PIWIL3: variants seen among roughly 807,000 people sequenced by gnomAD.
The protein encoded by PIWIL3 is piwi like RNA-mediated gene silencing 3.
PIWIL3 carries 101 observed loss-of-function variants against 109.7 expected under a neutral mutation model. That is an observed-to-expected ratio of 0.92 (90% CI 0.78 to 1.09). The LOEUF is 1.09. Ranked by LOEUF, PIWIL3 falls within the 50% of genes least tolerant of loss-of-function variation. The pLI is 0.00. For missense variants in PIWIL3, 1,031 were observed against 1,072.6 expected (o/e 0.96, Z 0.54); for synonymous variants, 373 against 376.4 (o/e 0.99, Z 0.10).
At chr22:24,739,831 A>G (rs1335512611) in intron 12 of PIWIL3, among the ~76,000 whole-genome samples, 1 of 152,046 alleles carries the variant, frequency 6.6e-6, no homozygotes, top group Non-Finnish European at 1.5e-5. Flanking sequence ...CGGGAGGATC[A>G]TGAGGTCAGG....
chr22:24,760,685 C>T (rs1925373430), intron 2 of PIWIL3, among the ~76,000 whole-genome samples: 1 of 148,310 alleles, frequency 6.7e-6, no homozygotes, highest in Non-Finnish European at 1.5e-5. Flanking sequence ...GAGGCTAAGG[C>T]AGGAGAATCG....
intron 12 of PIWIL3, among the ~76,000 whole-genome samples, chr22:24,741,453 A>C (rs754515459): frequency 1.3e-5 from 2 of 152,134 alleles, no homozygotes; most frequent in Non-Finnish European, 2.9e-5. Context: ...GTAGTGAACC[A>C]AGGTTGTGCC....
chr22:24,730,940 G>T (rs1191654077), intron 14 of PIWIL3, among the ~76,000 whole-genome samples: 1 of 151,904 alleles, frequency 6.6e-6, no homozygotes, highest in East Asian at 1.9e-4. Context: ...TACGTTTGTG[G>T]CAGGCCAGTT....
At chr22:24,744,993 G>C (rs1411088319) in intron 12 of PIWIL3, among the ~76,000 whole-genome samples, 1 of 152,172 alleles carries the variant, frequency 6.6e-6, no homozygotes, top group Non-Finnish European at 1.5e-5. Flanking sequence ...TACAAAAGAA[G>C]TCTTAAAACA....
At chr22:24,732,746 C>G (rs1002592876) in intron 14 of PIWIL3, among the ~76,000 whole-genome samples, 2 of 152,052 alleles carry the variant, frequency 1.3e-5, no homozygotes, top group African/African-American at 2.4e-5. Context: ...TGGCATGAAC[C>G]TGGGAGGCGG....
At chr22:24,746,417 T>A (rs1924371993) in intron 12 of PIWIL3, among the ~76,000 whole-genome samples, 1 of 151,944 alleles carries the variant, frequency 6.6e-6, no homozygotes, top group Non-Finnish European at 1.5e-5. Flanking sequence ...AATGAACATA[T>A]TTCAACATAA....
chr22:24,731,274 C>T (rs1413706769), intron 14 of PIWIL3, among the ~76,000 whole-genome samples: 1 of 152,194 alleles, frequency 6.6e-6, no homozygotes, highest in African/African-American at 2.4e-5. Context: ...ATCACCGTAG[C>T]ACCTAGACCC....
chr22:24,752,819 C>T (rs1394083654), intron 8 of PIWIL3, among the ~76,000 whole-genome samples: 2 of 152,174 alleles, frequency 1.3e-5, no homozygotes, highest in African/African-American at 4.8e-5. Flanking sequence ...TCTGATCTTT[C>T]CACATCCTTG....
intron 1 of PIWIL3, among the ~76,000 whole-genome samples, chr22:24,765,895 T>C (rs1184977645): frequency 1.3e-5 from 2 of 152,104 alleles, no homozygotes; most frequent in African/African-American, 4.8e-5. Context: ...CATTTTTTGC[T>C]ATAATTATTA....
At chr22:24,757,283 G>A (rs887929657) in intron 4 of PIWIL3, among the ~76,000 whole-genome samples, 9 of 151,678 alleles carry the variant, frequency 5.9e-5, no homozygotes, top group Admixed American at 1.3e-4. Context: ...GAGAGAAAGC[G>A]CCACCCTATG....
chr22:24,734,362 C>T (rs77841652), intron 13 of PIWIL3, among the ~76,000 whole-genome samples: 2 of 152,204 alleles, frequency 1.3e-5, no homozygotes, highest in African/African-American at 4.8e-5. Flanking sequence ...TCTGCCCTAA[C>T]AGCAAGTCAA....
intron 1 of PIWIL3, among the ~76,000 whole-genome samples, chr22:24,767,255 G>A (rs1214395822): frequency 1.3e-5 from 2 of 152,006 alleles, no homozygotes; most frequent in African/African-American, 4.8e-5. Context: ...TTCCTGGCCA[G>A]CTGGGCGGGG....
At chr22:24,773,644 C>G (rs1444205092) in intron 1 of PIWIL3, among the ~76,000 whole-genome samples, 1 of 150,258 alleles carries the variant, frequency 6.7e-6, no homozygotes, top group Non-Finnish European at 1.5e-5. Flanking sequence ...ACATATGTAT[C>G]TAAAATATAT....
chr22:24,757,839 C>T (rs1462696845), intron 4 of PIWIL3, 69 bp downstream of exon 4: 3 of 1,403,420 alleles, frequency 2.1e-6, no homozygotes, highest in African/African-American at 1.8e-5. Context: ...CCTTGTCTCT[C>T]AATGAAAAAA....
intron 12 of PIWIL3, among the ~76,000 whole-genome samples, chr22:24,744,207 A>AAAATGATCTGCTGCC: frequency 7.4e-6 from 1 of 135,036 alleles, no homozygotes; most frequent in Non-Finnish European, 1.6e-5. Context: ...AAAAAAAAAA[A>AAAATGATCTGCTGCC]CAATGATCTG....
intron 8 of PIWIL3, among the ~76,000 whole-genome samples, chr22:24,752,123 G>C (rs1427415845): frequency 1.3e-5 from 2 of 151,328 alleles, no homozygotes; most frequent in South Asian, 4.2e-4. Flanking sequence ...TGATGATATA[G>C]GAGTTAAAAT....
rs6004264 is a variant in PIWIL3 at position 24,759,758 on chromosome 22, C to T, written c.223+111G>A. ...GTTGCAAGCTGCACACACTTCCCATCCCACCAAACCTCACGGGAGTCCTGA... is the reference window on the plus strand; with the variant it reads ...GTTGCAAGCTGCACACACTTCCCATTCCACCAAACCTCACGGGAGTCCTGA... On this transcript the variant is annotated intron_variant, in intron 3 of 20. Transcript: ENST00000616349. 2,914 of 1,484,468 alleles carry T rather than the reference C, an allele frequency of 2.0e-3. 53 individuals carry two copies. In the African/African-American group the frequency reaches 0.036, roughly 19 times the overall value. 92.0% of individuals were successfully genotyped at this position (1,484,468 alleles called of 1,614,324 possible).
chr22:24,773,935 G>C (rs1323467619), intron 1 of PIWIL3, among the ~76,000 whole-genome samples: 2 of 151,954 alleles, frequency 1.3e-5, no homozygotes, highest in Non-Finnish European at 2.9e-5. Context: ...GGCTGGTCTT[G>C]AACTCCTGAC....
intron 14 of PIWIL3, among the ~76,000 whole-genome samples, chr22:24,728,599 T>C (rs1029217321): frequency 6.6e-6 from 1 of 152,164 alleles, no homozygotes; most frequent in Non-Finnish European, 1.5e-5. Context: ...ACATTAGTTA[T>C]TACTTAATTG....
Sources: allele counts gnomAD v4.1 joint callset (sites outside exome capture counted in the v4.1 genomes callset), GRCh38; gene constraint gnomAD v4.1.1; transcripts MANE v1.5; gene names NCBI Gene and HGNC (gene_info 2026-07-23, HGNC 2026-07-21).